The following MTERF4 variants were observed in gnomAD, a reference collection of about 807,000 sequenced individuals.
MTERF4 encodes transcription termination factor 4, mitochondrial.
A neutral mutation model predicts 22.5 loss-of-function variants in MTERF4; 17 were observed. The observed-to-expected ratio is 0.75, with a 90% CI of 0.52 to 1.13. The LOEUF (loss-of-function observed/expected upper bound fraction) is 1.13, where lower values mean the gene tolerates loss of function less well. MTERF4 is among the 50% of genes most tolerant of loss of function. The probability of loss-of-function intolerance (pLI) is 0.00; values close to 1 mark genes in which losing one functional copy is unlikely to be tolerated. For missense variants in MTERF4, 420 were observed against 466.8 expected, an observed-to-expected ratio of 0.90 and a Z score of 0.92; for synonymous variants, 165 against 175.3, an observed-to-expected ratio of 0.94 and a Z score of 0.47.
exon 5 of MTERF4, chr2:241,072,275 C>G: frequency 4.3e-6 from 2 of 467,838 alleles, no homozygotes; most frequent in Admixed American, 2.3e-5. Flanking sequence ...GAGTGTGGTC[C>G]GGCAAATCCT....
the MTERF4 span, among the ~76,000 whole-genome samples, chr2:241,052,741 TGAGAGGG>T: frequency 1.5e-4 from 2 of 13,646 alleles, no homozygotes; most frequent in African/African-American, 2.4e-4. Flanking sequence ...GCCAGGCAGG[TGAGAGGG>T]CCGGGGGGCC....
At chr2:241,079,634 C>CA (rs1021160293) in intron 4 of MTERF4, among the ~76,000 whole-genome samples, 11 of 150,620 alleles carry the variant, frequency 7.3e-5, no homozygotes, top group Non-Finnish European at 1.2e-4. Flanking sequence ...ACTTTAGAAC[C>CA]AAAAAAAAGG....
chr2:241,087,205 T>C (rs2063627851), downstream of MTERF4: 1 of 582,820 alleles, frequency 1.7e-6, no homozygotes, highest in Non-Finnish European at 3.1e-6. Context: ...AATAAATTTA[T>C]TACAAATCAC....
chr2:241,066,940 AG>A, the MTERF4 span, among the ~76,000 whole-genome samples: 2 of 152,210 alleles, frequency 1.3e-5, no homozygotes, highest in Non-Finnish European at 2.9e-5. Context: ...AAGGACACAG[AG>A]CACACCTCGG....
chr2:241,071,912 G>T, downstream of MTERF4: 1 of 1,525,706 alleles, frequency 6.6e-7, no homozygotes, highest in South Asian at 1.2e-5. Context: ...CACCTTGGTG[G>T]CCCACCCTCG....
chr2:241,051,640 GC>G, the MTERF4 span: 2 of 917,240 alleles, frequency 2.2e-6, no homozygotes, highest in African/African-American at 1.7e-5. This position sits in a 1 kb window ranked among gnomAD's most constrained non-coding sequence, Gnocchi z 4.7. Context: ...CGTCGAGAAG[GC>G]CCCACCAGCA....
chr2:241,052,994 G>A, the MTERF4 span, among the ~76,000 whole-genome samples: 5 of 152,136 alleles, frequency 3.3e-5, no homozygotes, highest in African/African-American at 9.7e-5. Context: ...AACGTATCAC[G>A]GCAACCAGGC....
At chr2:241,051,736 C>G in the MTERF4 span, 5 of 1,476,774 alleles carry the variant, frequency 3.4e-6, no homozygotes, top group Non-Finnish European at 4.5e-6. This position sits in a 1 kb window ranked among gnomAD's most constrained non-coding sequence, Gnocchi z 4.7. Context: ...CTCTGTCCTT[C>G]CACACAGCCC....
the MTERF4 span, among the ~76,000 whole-genome samples, chr2:241,056,176 G>A: frequency 1.3e-5 from 2 of 152,224 alleles, no homozygotes; most frequent in African/African-American, 2.4e-5. Flanking sequence ...AAAGAAAAAC[G>A]AGAGGCAGAA....
At position 241,079,457 on chromosome 2, in the gene MTERF4, G is replaced by T. The variant is rs527427192; in HGVS notation, n.480-3775C>A. On this transcript the variant is annotated intron_variant and non_coding_transcript_variant, in intron 4 of 4. Transcript: ENST00000464344. ...ACGTGCAGAACAGTGTTTTCAGTAT[G>T]TTGTCTTTTGTGTAGGAAAATGGAG... 2.2e-4 allele frequency among the ~76,000 whole-genome samples: 34 copies of T among 151,470 alleles called. 2 individuals carry two copies. In the South Asian group the frequency reaches 7.1e-3, roughly 32 times the overall value.
the MTERF4 span, among the ~76,000 whole-genome samples, chr2:241,052,775 ATG>A: frequency 6.2e-5 from 7 of 112,404 alleles, no homozygotes; most frequent in African/African-American, 2.8e-4. Context: ...GGTACATGGG[ATG>A]CTGGTGTCAG....
At chr2:241,089,674 A>G (rs985254954), downstream of MTERF4, among the ~76,000 whole-genome samples, 1 of 152,258 alleles carries the variant, frequency 6.6e-6, no homozygotes, top group Non-Finnish European at 1.5e-5. Flanking sequence ...ACACACACTA[A>G]GCACACTCCA....
At chr2:241,049,689 A>G in the MTERF4 span, 1 of 667,522 alleles carries the variant, frequency 1.5e-6, no homozygotes, top group South Asian at 1.7e-5. Context: ...CACAGAGTGT[A>G]TTTTCAGTGG....
the MTERF4 span, chr2:241,053,259 G>A: frequency 6.2e-7 from 1 of 1,605,184 alleles, no homozygotes; most frequent in Non-Finnish European, 8.5e-7. Context: ...GCTACAGCCT[G>A]AGCGCCCCCA....
chr2:241,096,500 A>G lies in MTERF4; in HGVS notation c.706-62T>C. ...AGAGTATTGAAACCTATCATTCTAT[A>G]AACCATAAAAACTTAAGTTGTACAA... On this transcript the variant is annotated intron_variant, in intron 3 of 3. Coordinates refer to ENST00000391980, the MANE Select transcript of MTERF4 (RefSeq NM_182501.4). This position sits in a 1 kb window ranked among gnomAD's most constrained non-coding sequence, Gnocchi z 5.1. 1 of 1,562,310 alleles carries G rather than the reference A, an allele frequency of 6.4e-7. No homozygotes were observed. The highest frequency in any genetic ancestry group is 1.7e-5 in the Admixed American group (1 of 59,594).
chr2:241,072,387 G>C, exon 5 of MTERF4: 1 of 365,194 alleles, frequency 2.7e-6, no homozygotes, highest in South Asian at 2.0e-5. Context: ...GCCGCTCTGG[G>C]AATCTGCCTG....
At chr2:241,100,005 A>G in intron 1 of MTERF4, 111 bp from the exon 2 acceptor site, 2 of 1,342,572 alleles carry the variant, frequency 1.5e-6, no homozygotes, top group Non-Finnish European at 2.0e-6. Flanking sequence ...ACAAACATAC[A>G]ATTTTTATAA....
intron 2 of MTERF4, 78 bp downstream of exon 2, chr2:241,099,318 G>T: frequency 6.7e-7 from 1 of 1,487,442 alleles, no homozygotes. Flanking sequence ...CAAGTGATCT[G>T]CCTGCCTCGG....
downstream of MTERF4, chr2:241,092,479 C>T (rs942018913): frequency 2.0e-5 from 3 of 152,176 alleles, no homozygotes; most frequent in Admixed American, 1.3e-4. The surrounding 1 kb of genome is among the most constrained non-coding windows in gnomAD (Gnocchi z 4.6). Flanking sequence ...GAACCCTGTT[C>T]TATGAGATCA....
Sources: allele counts gnomAD v4.1 joint callset (sites outside exome capture counted in the v4.1 genomes callset), GRCh38; gene constraint gnomAD v4.1.1; non-coding constraint Gnocchi (gnomAD v3.1); transcripts MANE v1.5; gene names NCBI Gene and HGNC (gene_info 2026-07-23, HGNC 2026-07-21).